Variants in FCRL5 observed in about 807,000 individuals in gnomAD.
FCRL5 encodes the protein Fc receptor like 5.
In FCRL5, 79 loss-of-function variants were observed where a neutral mutation model predicts 92.1. That is an observed-to-expected ratio of 0.86 (90% CI 0.72 to 1.03). The LOEUF (loss-of-function observed/expected upper bound fraction) is 1.03, where lower values mean the gene tolerates loss of function less well. FCRL5 is among the 50% of genes least tolerant of loss of function. The pLI is 0.00. For synonymous variants in FCRL5, 466 were observed against 469.3 expected (o/e 0.99, Z 0.09); for missense variants, 1,160 against 1,181.1 (o/e 0.98, Z 0.26).
rs77619372 is a variant in FCRL5 at position 157,519,340 on chromosome 1, C to T, written c.2660+403G>A. Among the ~76,000 whole-genome samples the T allele has an allele frequency of 1.1e-3, 164 of 152,242 alleles. 1 individual carries two copies. The highest frequency in any genetic ancestry group is 3.7e-3 in the African/African-American group (153 of 41,536). ...GACCTCTCTGGGTGGCCAAGTTGTG[C>T]GGCTCCATCTTCTCAGTTGTTATCA... is the stretch of plus-strand genomic sequence containing the variant. On this transcript the variant is annotated intron_variant, in intron 13 of 16. Transcript: ENST00000361835.
Position 157,515,304 on chromosome 1 carries a change from C to T in FCRL5, c.*371G>A. 3.2e-6 allele frequency: 1 copy of T among 313,978 alleles called. No homozygotes were observed. The highest frequency in any genetic ancestry group is 7.4e-5 in the East Asian group (1 of 13,486). 19.4% of individuals were successfully genotyped at this position (313,978 alleles called of 1,614,324 possible). ...GGAGCACCTGAGCTGTTAGGCCAGC[C>T]CGGCATCTCCTGAAGGCCCACTCTC... On this transcript the variant is annotated 3_prime_UTR_variant, in exon 17 of 17. Coordinates refer to ENST00000361835, the MANE Select transcript of FCRL5 (RefSeq NM_031281.3).
chr1:157,516,588 A>G (rs1473054028), intron 15 of FCRL5, among the ~76,000 whole-genome samples: 1 of 152,250 alleles, frequency 6.6e-6, no homozygotes, highest in East Asian at 1.9e-4. Flanking sequence ...TATCCATACA[A>G]ATATAGTGTA....
intron 8 of FCRL5, chr1:157,532,260 G>A (rs1313732225): frequency 7.3e-5 from 11 of 151,520 alleles, no homozygotes; most frequent in South Asian, 2.1e-4. Flanking sequence ...CTATGCTTGC[G>A]CCACCCAAAG....
At position 157,515,693 on chromosome 1, in the gene FCRL5, G is replaced by T; in HGVS notation, c.2916C>A (p.Ser972=). Reference sequence around the variant, plus strand: ...TGTGGACTCATCTGTGAGGAGCTGAGGAAGCCAAGAACAGGGATCCGGAAA... The same window carrying T: ...TGTGGACTCATCTGTGAGGAGCTGATGAAGCCAAGAACAGGGATCCGGAAA... ...TPVSGSLFLA[S]SAPHR The change falls in exon 17 of 17, where the codon TCC becomes TCA. Residue 972 remains serine, a synonymous_variant. Coordinates refer to ENST00000361835, the MANE Select transcript of FCRL5 (RefSeq NM_031281.3). 1 of 1,614,210 alleles carries T rather than the reference G, an allele frequency of 6.2e-7. No individual in the cohort carries two copies. Among genetic ancestry groups the T allele is most frequent in the South Asian group, 1.1e-5 (1 of 91,088 alleles).
chr1:157,530,956 C>T (rs1650670025), intron 8 of FCRL5, among the ~76,000 whole-genome samples: 1 of 151,942 alleles, frequency 6.6e-6, no homozygotes, highest in African/African-American at 2.4e-5. Flanking sequence ...GTACAGGCAA[C>T]AAAAGCAAAT....
In FCRL5 at chr1:157,527,755, C is replaced by T. The variant is rs2101610613; in HGVS notation, c.1822G>A (p.Gly608Arg). ...CCTCCAGAGGGGGCTGAGCTGCTCC[C>T]CAGGGTGACATCCTCATGATAAAAC... ...YWFYHEDVTL[G>R]SSSAPSGGEA... The change falls in exon 9 of 17, where the codon GGG becomes AGG. Residue 608 changes from glycine (G) to arginine (R), a missense_variant. Physicochemically the swap from Gly to Arg is moderately radical, Grantham distance 125. Transcript: ENST00000361835. 6.2e-7 allele frequency: 1 copy of T among 1,614,120 alleles called. No homozygotes were observed. Among genetic ancestry groups the T allele is most frequent in the East Asian group, 2.2e-5 (1 of 44,864 alleles).
At chr1:157,520,691 A>G (rs921463501) in intron 11 of FCRL5, 144 bp from the exon 12 acceptor site, 2 of 646,580 alleles carry the variant, frequency 3.1e-6, no homozygotes, top group East Asian at 2.8e-5. Context: ...GGCACAGAAG[A>G]TGGCTCCTGT....
At chr1:157,539,839 C>T (rs1267994134) in intron 6 of FCRL5, among the ~76,000 whole-genome samples, 2 of 152,204 alleles carry the variant, frequency 1.3e-5, no homozygotes, top group African/African-American at 2.4e-5. Flanking sequence ...ATTGTGTATT[C>T]TGCTAAAGGT....
Position 157,515,842 on chromosome 1 carries a change from C to G in FCRL5, c.2844G>C (p.Lys948Asn). The change falls in exon 16 of 17, where the codon AAG (lysine) becomes AAC (asparagine). Residue 948 changes from lysine to asparagine, a missense_variant and splice_region_variant. By Grantham distance (94) the Lys-to-Asn change is moderately conservative. Coordinates refer to ENST00000361835, the MANE Select transcript of FCRL5 (RefSeq NM_031281.3). ...VASDPRHLRN[K>N]GSPIIYSEVK... ...AGGGCATGCAGAAGGGGAGACTCAC[C>G]TTGTTCCTGAGATGCCTGGGGTCAG... The G allele has an allele frequency of 3.7e-6, 6 of 1,614,078 alleles. No individual in the cohort carries two copies. The highest frequency in any genetic ancestry group is 3.3e-5 in the Admixed American group (2 of 60,026).
intron 15 of FCRL5, among the ~76,000 whole-genome samples, chr1:157,518,182 C>T (rs920961489): frequency 4.6e-5 from 7 of 152,120 alleles, no homozygotes; most frequent in South Asian, 2.1e-4. Flanking sequence ...AGAGGTTAAG[C>T]GAATGCCCAA....
intron 6 of FCRL5, chr1:157,541,714 A>G (rs1651270074): frequency 6.6e-6 from 1 of 152,222 alleles, no homozygotes; most frequent in Non-Finnish European, 1.5e-5. Context: ...TTGATGTTTA[A>G]TCTCTTACTT....
chr1:157,526,848 A>G (rs1355167489), intron 9 of FCRL5, among the ~76,000 whole-genome samples: 1 of 152,124 alleles, frequency 6.6e-6, no homozygotes, highest in Admixed American at 6.5e-5. Flanking sequence ...TGGTTGTCAG[A>G]TAATAAGGGC....
chr1:157,526,104 T>C (rs193005625), intron 9 of FCRL5, among the ~76,000 whole-genome samples: 10 of 152,086 alleles, frequency 6.6e-5, no homozygotes, highest in East Asian at 3.9e-4. Flanking sequence ...AGGTTTTCTA[T>C]AAAAGGAGGA....
intron 10 of FCRL5, chr1:157,522,242 C>T (rs1418809993): frequency 6.6e-6 from 1 of 152,116 alleles, no homozygotes; most frequent in Admixed American, 6.5e-5. Flanking sequence ...AATATTGGCC[C>T]TTTTGTATTA....
At position 157,527,675 on chromosome 1, in the gene FCRL5, AC is replaced by A; in HGVS notation, c.1901del (p.Cys634LeufsTer7). 6.2e-7 allele frequency: 1 copy of A among 1,614,164 alleles called. No homozygotes were observed. The highest frequency in any genetic ancestry group is 8.5e-7 in the Non-Finnish European group (1 of 1,179,986). On this transcript the variant is annotated frameshift_variant, in exon 9 of 17. Coordinates refer to ENST00000361835, the MANE Select transcript of FCRL5 (RefSeq NM_031281.3). LOFTEE classifies it high-confidence loss of function. ...LTAEHSGNYS[C>X]EANNGLVAQH... ...GGGCCACTAGGCCATTGTTGGCCTC[AC>A]ATGAGTAGTTTCCAGAATGTTCTGC...
intron 8 of FCRL5, among the ~76,000 whole-genome samples, chr1:157,529,345 G>C (rs1467980112): frequency 6.6e-6 from 1 of 152,152 alleles, no homozygotes; most frequent in Non-Finnish European, 1.5e-5. Flanking sequence ...TTACACTGCT[G>C]GTGGGAATGT....
At chr1:157,548,365 T>C (rs1438781789) in intron 2 of FCRL5, among the ~76,000 whole-genome samples, 3 of 150,106 alleles carry the variant, frequency 2.0e-5, no homozygotes, top group Admixed American at 6.6e-5. Context: ...ATTCAGGACA[T>C]AGGCATGGGC....
At chr1:157,539,742 T>C (rs989609518) in intron 6 of FCRL5, among the ~76,000 whole-genome samples, 6 of 152,352 alleles carry the variant, frequency 3.9e-5, no homozygotes, top group African/African-American at 1.2e-4. Flanking sequence ...AATGCATATC[T>C]GATTATTTCC....
At position 157,544,457 on chromosome 1, in the gene FCRL5, G is replaced by C. The variant is rs1366611934; in HGVS notation, c.649C>G (p.Leu217Val). 6.2e-7 allele frequency: 1 copy of C among 1,614,210 alleles called. No homozygotes were observed. Among genetic ancestry groups the C allele is most frequent in the African/African-American group, 1.3e-5 (1 of 75,058 alleles). The change falls in exon 5 of 17, where the codon CTA becomes GTA. Residue 217 changes from leucine (L) to valine (V), a missense_variant. Transcript: ENST00000361835. ...CGGAGCGGGACATCTGACCTCTCTA[G>C]AGAGAGCTGGGTCTCACAGGTCAGG... ...VTLTCETQLS[L>V]ERSDVPLRFR...
Sources: gnomAD v4.1 joint callset for allele counts (sites outside exome capture counted in the v4.1 genomes callset) on GRCh38, gnomAD v4.1.1 for gene constraint, MANE v1.5 for transcripts, NCBI Gene and HGNC (gene_info 2026-07-23, HGNC 2026-07-21) for gene names.